Variants in CDH2 observed in about 807,000 individuals in gnomAD.
The protein encoded by CDH2 is cadherin-2.
In CDH2, 17 loss-of-function variants were observed where a neutral mutation model predicts 92.0. The ratio of observed to expected loss-of-function variants is 0.18; its 90% CI spans 0.13 to 0.28. CDH2 has a LOEUF of 0.28. CDH2 is among the 10% of genes least tolerant of loss of function. The pLI is 1.00. For synonymous variants in CDH2, 419 were observed against 415.9 expected, an observed-to-expected ratio of 1.01 and a Z score of -0.09; for missense variants, 862 against 1,133.1, an observed-to-expected ratio of 0.76 and a Z score of 3.44.
At chr18:28,089,219 ACT>A (rs981477891) in intron 2 of CDH2, among the ~76,000 whole-genome samples, 5 of 152,124 alleles carry the variant, frequency 3.3e-5, no homozygotes, top group Admixed American at 6.5e-5. Context: ...TAGATCTTTG[ACT>A]CTCTACCAGA....
chr18:28,063,036 AT>A (rs1293283350), intron 2 of CDH2, among the ~76,000 whole-genome samples: 1 of 152,164 alleles, frequency 6.6e-6, no homozygotes, highest in East Asian at 1.9e-4. Context: ...TTATAATAGC[AT>A]TTTTAAAAAG....
intron 2 of CDH2, among the ~76,000 whole-genome samples, chr18:28,032,311 A>G (rs577019536): frequency 5.6e-4 from 85 of 152,274 alleles, no homozygotes; most frequent in Admixed American, 1.9e-3. Flanking sequence ...CTAGGCACAA[A>G]GAAATTTGTG....
intron 7 of CDH2, 150 bp downstream of exon 7, chr18:28,002,847 A>T: frequency 2.8e-6 from 2 of 726,168 alleles, no homozygotes; most frequent in Non-Finnish European, 4.6e-6. Flanking sequence ...AGCTCTGCAG[A>T]AAAATATACA....
chr18:28,149,247 T>C (rs1045862078), intron 1 of CDH2, among the ~76,000 whole-genome samples: 1 of 152,162 alleles, frequency 6.6e-6, no homozygotes, highest in Non-Finnish European at 1.5e-5. Flanking sequence ...CACTGAAACA[T>C]GACTGTAATA....
At chr18:28,041,994 T>C (rs187526146) in intron 2 of CDH2, among the ~76,000 whole-genome samples, 8 of 152,242 alleles carry the variant, frequency 5.3e-5, no homozygotes, top group African/African-American at 9.6e-5. Context: ...TAGACACCAC[T>C]GAGAAACAGT....
At chr18:27,963,240 C>A in intron 15 of CDH2, 117 bp downstream of exon 15, 1 of 832,290 alleles carries the variant, frequency 1.2e-6, no homozygotes, top group South Asian at 2.8e-5. Flanking sequence ...ACTTCAGAAA[C>A]ACAAGTATGT....
rs866246810 is a variant in CDH2 at position 28,049,325 on chromosome 18, C to T, written c.173-35416G>A. On this transcript the variant is annotated intron_variant, in intron 2 of 15. Coordinates refer to ENST00000269141, the MANE Select transcript of CDH2 (RefSeq NM_001792.5). Reference sequence around the variant, plus strand: ...GTACTATGTGCGCCAAAATAACTGCCGATGGTTGCGATATGGCTATTTCCA... The same window carrying T: ...GTACTATGTGCGCCAAAATAACTGCTGATGGTTGCGATATGGCTATTTCCA... 6.6e-5 allele frequency among the ~76,000 whole-genome samples: 10 copies of T among 152,242 alleles called. No individual in the cohort carries two copies. In the Middle Eastern group the frequency reaches 0.01, roughly 155 times the overall value.
At chr18:27,960,513 G>A (rs2011373680) in intron 15 of CDH2, among the ~76,000 whole-genome samples, 1 of 152,182 alleles carries the variant, frequency 6.6e-6, no homozygotes, top group Non-Finnish European at 1.5e-5. Context: ...ATAAGAACCA[G>A]ACACAAATGG....
intron 11 of CDH2, among the ~76,000 whole-genome samples, chr18:27,987,009 A>C (rs1183715775): frequency 6.6e-6 from 1 of 152,230 alleles, no homozygotes; most frequent in African/African-American, 2.4e-5. Flanking sequence ...TTGTGGCTTA[A>C]AGGAAAGTGC....
chr18:28,121,939 A>G (rs2015595109), intron 2 of CDH2, among the ~76,000 whole-genome samples: 3 of 152,120 alleles, frequency 2.0e-5, no homozygotes, highest in Admixed American at 1.3e-4. Flanking sequence ...GGGAACTGCA[A>G]TGATTTCCTT....
Position 27,963,429 on chromosome 18 carries a change from G to A in CDH2, c.2442C>T (p.Ile814=), listed in dbSNP as rs267605138. 1 of 1,613,940 alleles carries A rather than the reference G, an allele frequency of 6.2e-7. No individual in the cohort carries two copies. The highest frequency in any genetic ancestry group is 8.5e-7 in the Non-Finnish European group (1 of 1,180,008). Residue 814 remains isoleucine (I), a synonymous_variant, in exon 15 of 16, where the codon ATC becomes ATT. Coordinates refer to ENST00000269141, the MANE Select transcript of CDH2 (RefSeq NM_001792.5). Reference sequence around the variant, plus strand: ...GGACCGGATACTGGGGCTCGGCGTGGATGGGTCTTTCATCCATTCGTCGGA... The same window carrying A: ...GGACCGGATACTGGGGCTCGGCGTGAATGGGTCTTTCATCCATTCGTCGGA... ...VGIRRMDERP[I]HAEPQYPVRS...
At chr18:28,124,488 C>T (rs1310464027) in intron 2 of CDH2, among the ~76,000 whole-genome samples, 1 of 152,114 alleles carries the variant, frequency 6.6e-6, no homozygotes, top group Non-Finnish European at 1.5e-5. Flanking sequence ...TCAAAGCGTT[C>T]TCAATTTTAA....
intron 2 of CDH2, among the ~76,000 whole-genome samples, chr18:28,101,843 C>T (rs2015232003): frequency 6.6e-6 from 1 of 152,126 alleles, no homozygotes. Flanking sequence ...AAAACCACTT[C>T]ACCCTACAAA....
At chr18:28,139,798 C>T (rs1014495639) in intron 2 of CDH2, among the ~76,000 whole-genome samples, 3 of 151,976 alleles carry the variant, frequency 2.0e-5, no homozygotes, top group Non-Finnish European at 2.9e-5. Context: ...TTAGGCTTCT[C>T]GTCCTCACAT....
intron 2 of CDH2, among the ~76,000 whole-genome samples, chr18:28,143,972 G>GAAC (rs1568015399): frequency 6.6e-6 from 1 of 151,896 alleles, no homozygotes; most frequent in East Asian, 1.9e-4. Flanking sequence ...ACAGGGAGGG[G>GAAC]AACAACACAC....
chr18:28,164,319 T>C (rs936343598), intron 1 of CDH2, among the ~76,000 whole-genome samples: 2 of 152,110 alleles, frequency 1.3e-5, no homozygotes, highest in African/African-American at 4.8e-5. Flanking sequence ...TGTCCTAATA[T>C]GTAAATTGGG....
At chr18:28,158,289 A>T (rs1408545821) in intron 1 of CDH2, among the ~76,000 whole-genome samples, 2 of 152,348 alleles carry the variant, frequency 1.3e-5, no homozygotes, top group Middle Eastern at 3.4e-3. Flanking sequence ...TCCTGAACTT[A>T]TTCTGGAAGC....
At chr18:28,119,259 C>T (rs889079163) in intron 2 of CDH2, among the ~76,000 whole-genome samples, 2 of 152,100 alleles carry the variant, frequency 1.3e-5, no homozygotes, top group Non-Finnish European at 2.9e-5. Context: ...CTGTAAATGC[C>T]TTAATGCTAG....
intron 6 of CDH2, 60 bp downstream of exon 6, chr18:28,005,789 C>G: frequency 1.6e-6 from 2 of 1,213,306 alleles, no homozygotes; most frequent in Non-Finnish European, 2.3e-6. Flanking sequence ...GCTCATATAA[C>G]AGGGCTGGTT....
Sources: allele counts gnomAD v4.1 joint callset (sites outside exome capture counted in the v4.1 genomes callset), GRCh38; gene constraint gnomAD v4.1.1; transcripts MANE v1.5; gene names NCBI Gene and HGNC (gene_info 2026-07-23, HGNC 2026-07-21).